LTBP1: variants seen among roughly 807,000 people sequenced by gnomAD.
The protein encoded by LTBP1 is latent transforming growth factor beta binding protein 1, also known as latent-transforming growth factor beta-binding protein 1.
Under a neutral mutation model 207.6 loss-of-function variants are expected in LTBP1, and 129 were observed. The ratio of observed to expected loss-of-function variants is 0.62; its 90% CI spans 0.54 to 0.72. The LOEUF is 0.72. Ranked by LOEUF, LTBP1 falls within the 30% of genes least tolerant of loss-of-function variation. The pLI, the probability that LTBP1 is intolerant of heterozygous loss-of-function variation, is 0.00. For synonymous variants in LTBP1, 963 were observed against 833.7 expected, an observed-to-expected ratio of 1.16 and a Z score of -2.67; for missense variants, 2,281 against 2,217.2, an observed-to-expected ratio of 1.03 and a Z score of -0.58.
rs536780355 is a variant in LTBP1, at chr2:33,104,460, T to C, written c.864-6122T>C. Reference sequence around the variant, plus strand: ...TCTGGCCCTTGTTGGTTTAGATTAGTGACCTTCAACCAAACCCAGCGGCCT... The same window carrying C: ...TCTGGCCCTTGTTGGTTTAGATTAGCGACCTTCAACCAAACCCAGCGGCCT... On this transcript the variant is annotated intron_variant, in intron 3 of 33. Coordinates refer to ENST00000404816, the MANE Select transcript of LTBP1 (RefSeq NM_206943.4). Among the ~76,000 whole-genome samples, 158 of 152,362 alleles carry C rather than the reference T, an allele frequency of 1.0e-3. 1 individual carries two copies. Among genetic ancestry groups the C allele is most frequent in the Non-Finnish European group, 2.9e-4 (20 of 68,036 alleles).
intron 24 of LTBP1, among the ~76,000 whole-genome samples, chr2:33,333,478 G>GA (rs2094520283): frequency 6.6e-6 from 1 of 152,194 alleles, no homozygotes; most frequent in South Asian, 2.1e-4. Context: ...ATGATGGAGA[G>GA]AAATGAATGA....
chr2:33,342,920 T>G lies in LTBP1; in HGVS notation c.3813T>G (p.Cys1271Trp). 1 of 1,614,082 alleles carries G rather than the reference T, an allele frequency of 6.2e-7. No homozygotes were observed. Among genetic ancestry groups the G allele is most frequent in the East Asian group, 2.2e-5 (1 of 44,890 alleles). Residue 1271 changes from cysteine (C) to tryptophan (W), a missense_variant, in exon 25 of 34, where the codon TGT (cysteine) becomes TGG (tryptophan). Transcript: ENST00000404816. The part of the protein sequence containing the change: ...DNTAGSFRCL[C>W]YQGFQAPQDG... ...CAGCTGGCTCCTTCCGCTGCCTCTG[T>G]TATCAGGGCTTTCAAGCCCCACAGG...
intron 9 of LTBP1, among the ~76,000 whole-genome samples, chr2:33,231,411 A>C (rs2091780068): frequency 1.3e-5 from 2 of 152,210 alleles, no homozygotes; most frequent in Admixed American, 1.3e-4. Context: ...GTTTGGACAA[A>C]AGAAGAGATA....
Position 33,252,705 on chromosome 2 carries a change from A to C in LTBP1, c.2028A>C (p.Lys676Asn). The C allele has an allele frequency of 6.2e-7, 1 of 1,612,854 alleles. No individual in the cohort carries two copies. The highest frequency in any genetic ancestry group is 8.5e-7 in the Non-Finnish European group (1 of 1,179,128). ...ATCCCCCTGTGATCTCGGAAGAGAA[A>C]GGGCCCTGTTACCGACTTGTCAGTT... ...VPDPPVISEE[K>N]GPCYRLVSSG... is the part of the protein sequence containing the mutation. The change falls in exon 11 of 34, where the codon AAA becomes AAC. Residue 676 changes from lysine (K) to asparagine (N), a missense_variant. This residue lies in a region of LTBP1 where 1,671 missense variants were observed against 1,634.8 expected (regional missense o/e 1.02). Transcript: ENST00000404816.
intron 3 of LTBP1, among the ~76,000 whole-genome samples, chr2:33,094,487 G>T (rs953299201): frequency 1.3e-5 from 2 of 152,152 alleles, no homozygotes; most frequent in African/African-American, 2.4e-5. Flanking sequence ...GAGGAGACTG[G>T]ACTAGGTGAT....
rs146203172 is a variant in LTBP1 at position 33,102,663 on chromosome 2, C to T, written c.864-7919C>T. 8.0e-3 allele frequency among the ~76,000 whole-genome samples: 1,222 copies of T among 152,206 alleles called. 11 individuals carry two copies. Among genetic ancestry groups the T allele is most frequent in the Middle Eastern group, 0.01 (3 of 294 alleles). On this transcript the variant is annotated intron_variant, in intron 3 of 33. Transcript: ENST00000404816. ...CCATTTTCCTGACTTTGTGTTTGCT[C>T]CTTTCATTTTACTTTTGCTGTGTTT...
chr2:33,001,040 G>A lies in LTBP1; in HGVS notation c.566-19869G>A, dbSNP rs902506659. Among the ~76,000 whole-genome samples, 113 of 134,588 alleles carry A rather than the reference G, an allele frequency of 8.4e-4. 21 individuals are homozygous for A. Among genetic ancestry groups the A allele is most frequent in the Non-Finnish European group, 1.5e-3 (89 of 61,208 alleles). The allele number at this position is 134,588 out of a possible 152,430, so 88.3% of individuals were successfully genotyped here. ...GAGCCACAGTTCAGGACAGCCTCTC[G>A]CCCTTGTGACCACCTGTCCTTCCTG... On this transcript the variant is annotated intron_variant, in intron 2 of 33. Coordinates refer to ENST00000404816, the MANE Select transcript of LTBP1 (RefSeq NM_206943.4).
At chr2:33,280,004 T>TA (rs749746447) in intron 18 of LTBP1, 35 bp from the exon 19 acceptor site, 1 of 1,610,946 alleles carries the variant, frequency 6.2e-7, no homozygotes, top group Non-Finnish European at 8.5e-7. Flanking sequence ...GGTATTCTGA[T>TA]AAAATGTTCA....
intron 26 of LTBP1, among the ~76,000 whole-genome samples, chr2:33,348,652 A>G (rs938345574): frequency 2.6e-4 from 40 of 152,352 alleles, no homozygotes. Flanking sequence ...CCTCACCTAT[A>G]GTGTTATTTT....
At chr2:33,398,260 T>C (rs2095377872) in intron 33 of LTBP1, 104 bp from the exon 34 acceptor site, 2 of 1,004,478 alleles carry the variant, frequency 2.0e-6, no homozygotes, top group Non-Finnish European at 2.9e-6. Flanking sequence ...ACGAGAAAGC[T>C]TCCTTGGGGT....
At chr2:33,076,266 C>T (rs920675742) in intron 3 of LTBP1, among the ~76,000 whole-genome samples, 4 of 152,016 alleles carry the variant, frequency 2.6e-5, no homozygotes, top group Non-Finnish European at 5.9e-5. Context: ...TAGGGTATGG[C>T]AATGGGGCAA....
At chr2:33,292,080 TCTTG>T (rs1281692011) in intron 19 of LTBP1, among the ~76,000 whole-genome samples, 1 of 152,214 alleles carries the variant, frequency 6.6e-6, no homozygotes, top group Non-Finnish European at 1.5e-5. Flanking sequence ...CTCTTTAAGT[TCTTG>T]CTTATTGATA....
intron 22 of LTBP1, among the ~76,000 whole-genome samples, chr2:33,306,269 T>C (rs1422765303): frequency 2.0e-5 from 3 of 152,218 alleles, no homozygotes; most frequent in African/African-American, 7.2e-5. Context: ...ATCAAATTGC[T>C]TTAAAGTAGC....
chr2:33,267,089 G>A (rs2093203572), intron 15 of LTBP1, among the ~76,000 whole-genome samples: 1 of 152,232 alleles, frequency 6.6e-6, no homozygotes, highest in Non-Finnish European at 1.5e-5. Flanking sequence ...GGTGCCTGCA[G>A]CAGAAGTTAC....
intron 19 of LTBP1, among the ~76,000 whole-genome samples, chr2:33,290,614 A>G (rs1018981307): frequency 2.0e-5 from 3 of 152,228 alleles, no homozygotes; most frequent in African/African-American, 7.2e-5. Flanking sequence ...GGTGAGAAAG[A>G]ATGAAAGTAG....
intron 10 of LTBP1, among the ~76,000 whole-genome samples, chr2:33,246,629 C>A (rs1289559467): frequency 6.6e-6 from 1 of 152,140 alleles, no homozygotes; most frequent in African/African-American, 2.4e-5. Context: ...TGAATTTAGG[C>A]CATATCCAGA....
At chr2:33,286,748 C>A (rs2093671559) in intron 19 of LTBP1, among the ~76,000 whole-genome samples, 1 of 100,442 alleles carries the variant, frequency 1.0e-5, no homozygotes, top group Non-Finnish European at 2.0e-5. Flanking sequence ...TACTATGCAG[C>A]CATAAAAAAA....
chr2:33,143,347 G>A (rs1188490210), intron 5 of LTBP1, among the ~76,000 whole-genome samples: 2 of 152,152 alleles, frequency 1.3e-5, no homozygotes, highest in Admixed American at 1.3e-4. Flanking sequence ...ACAGTGCCTC[G>A]CTTTGGAGAT....
intron 5 of LTBP1, among the ~76,000 whole-genome samples, chr2:33,150,966 C>T (rs62133341): frequency 0.42 from 63,843 of 151,622 alleles, 14,275 homozygotes; most frequent in Non-Finnish European, 0.49. Flanking sequence ...GCTCAAATTC[C>T]TGTCCTCAAG....
Sources: gnomAD v4.1 joint callset for allele counts (sites outside exome capture counted in the v4.1 genomes callset) on GRCh38, gnomAD v4.1.1 for gene constraint, gnomAD v4.1.1 regional missense constraint, MANE v1.5 for transcripts, NCBI Gene and HGNC (gene_info 2026-07-23, HGNC 2026-07-21) for gene names.